The following ZNF326 variants were observed in gnomAD, a reference collection of about 807,000 sequenced individuals.
The protein encoded by ZNF326 is zinc finger protein 326.
Under a neutral mutation model 63.1 loss-of-function variants are expected in ZNF326, and 30 were observed. The observed-to-expected ratio is 0.48, with a 90% CI of 0.36 to 0.64. The LOEUF (loss-of-function observed/expected upper bound fraction) is 0.64, where lower values mean the gene tolerates loss of function less well. Ranked by LOEUF, ZNF326 falls within the 30% of genes least tolerant of loss-of-function variation. The pLI is 0.00. For synonymous variants in ZNF326, 194 were observed against 228.2 expected, an observed-to-expected ratio of 0.85 and a Z score of 1.35; for missense variants, 609 against 720.3, an observed-to-expected ratio of 0.85 and a Z score of 1.77.
chr1:90,010,347 C>T, intron 6 of ZNF326, 61 bp downstream of exon 6: 1 of 1,537,942 alleles, frequency 6.5e-7, no homozygotes, highest in South Asian at 1.2e-5. Context: ...AAATTCCATA[C>T]TTTTTGGTAA....
intron 7 of ZNF326, among the ~76,000 whole-genome samples, chr1:90,014,812 C>A (rs1464788376): frequency 6.6e-6 from 1 of 152,142 alleles, no homozygotes; most frequent in Non-Finnish European, 1.5e-5. Flanking sequence ...GTAGAAGTAA[C>A]AGGCATAGTT....
chr1:90,003,092 C>T (rs539080064), intron 2 of ZNF326, among the ~76,000 whole-genome samples: 6 of 150,404 alleles, frequency 4.0e-5, no homozygotes, highest in South Asian at 2.1e-4. Context: ...CAAATAATGT[C>T]GGTCGTTTTC....
chr1:90,013,995 T>C (rs1406708124), intron 7 of ZNF326, among the ~76,000 whole-genome samples: 2 of 149,958 alleles, frequency 1.3e-5, no homozygotes, highest in African/African-American at 4.9e-5. Flanking sequence ...AACCCGGGAG[T>C]CGGAGCTTGC....
intron 11 of ZNF326, among the ~76,000 whole-genome samples, chr1:90,026,490 C>G (rs1217285287): frequency 9.2e-5 from 14 of 152,136 alleles, no homozygotes; most frequent in Admixed American, 7.2e-4. Flanking sequence ...ATCTAGATAT[C>G]TGAAGTTATA....
At position 90,013,830 on chromosome 1, in the gene ZNF326, G is replaced by A. The variant is rs1265322408; in HGVS notation, c.926+593G>A. Reference sequence around the variant, plus strand: ...TGTAATCCCAGCACTTTGGGAGGCCGAGGCGGGCAGATCACGAGGTCAGGA... The same window carrying A: ...TGTAATCCCAGCACTTTGGGAGGCCAAGGCGGGCAGATCACGAGGTCAGGA... On this transcript the variant is annotated intron_variant, in intron 7 of 11. Coordinates refer to ENST00000340281, the MANE Select transcript of ZNF326 (RefSeq NM_182976.4). Among the ~76,000 whole-genome samples, 7 of 152,142 alleles carry A rather than the reference G, an allele frequency of 4.6e-5. No individual in the cohort carries two copies. In the East Asian group the frequency reaches 1.2e-3, roughly 25 times the overall value.
chr1:90,014,734 A>G (rs1649418434), intron 7 of ZNF326, among the ~76,000 whole-genome samples: 1 of 152,194 alleles, frequency 6.6e-6, no homozygotes, highest in Admixed American at 6.5e-5. Context: ...AGTTTCAAGA[A>G]CTACTGCTAT....
chr1:90,022,478 A>C, intron 11 of ZNF326, 133 bp downstream of exon 11: 1 of 668,844 alleles, frequency 1.5e-6, no homozygotes, highest in Non-Finnish European at 2.5e-6. Flanking sequence ...TATCTTGCAT[A>C]TAGGTAAAAC....
chr1:90,018,236 G>A (rs969739383), intron 8 of ZNF326, among the ~76,000 whole-genome samples: 4 of 150,806 alleles, frequency 2.7e-5, no homozygotes, highest in Non-Finnish European at 5.9e-5. Context: ...AGGTTGCAGT[G>A]AGCAGAGATC....
Position 90,033,754 on chromosome 1 carries a change from A to G in ZNF326, c.*6053A>G, listed in dbSNP as rs1335018673. On this transcript the variant is annotated 3_prime_UTR_variant, in exon 12 of 12. Coordinates refer to ENST00000340281, the MANE Select transcript of ZNF326 (RefSeq NM_182976.4). ...CTTAAAGACATAGAAAACCCAGAACACCATCTGTTTAAAAATTAAACTTCA... is the reference window on the plus strand; with the variant it reads ...CTTAAAGACATAGAAAACCCAGAACGCCATCTGTTTAAAAATTAAACTTCA... The G allele has an allele frequency of 6.6e-6, 1 of 152,138 alleles. No homozygotes were observed. The highest frequency in any genetic ancestry group is 2.4e-5 in the African/African-American group (1 of 41,434). The allele number at this position is 152,138 out of a possible 1,614,324, so 9.4% of individuals were successfully genotyped here. A position where few individuals can be genotyped will look rare whatever the true frequency, so the allele number is the denominator to read the frequency against.
In ZNF326 at chr1:90,031,978, C is replaced by G. The variant is rs1189875674; in HGVS notation, c.*4277C>G. The G allele has an allele frequency of 1.3e-5, 2 of 152,128 alleles. No homozygotes were observed. The highest frequency in any genetic ancestry group is 1.9e-4 in the East Asian group (1 of 5,204). The allele number at this position is 152,128 out of a possible 1,614,324, so 9.4% of individuals were successfully genotyped here. ...GTTCATTTTATAAATAAACAATTGACTTTTTTTGGTAGTTATGGTCCCTAC... is the reference window on the plus strand; with the variant it reads ...GTTCATTTTATAAATAAACAATTGAGTTTTTTTGGTAGTTATGGTCCCTAC... On this transcript the variant is annotated 3_prime_UTR_variant, in exon 12 of 12. Coordinates refer to ENST00000340281, the MANE Select transcript of ZNF326 (RefSeq NM_182976.4).
intron 7 of ZNF326, among the ~76,000 whole-genome samples, chr1:90,014,779 A>G (rs1359656902): frequency 6.6e-6 from 1 of 152,192 alleles, no homozygotes; most frequent in Non-Finnish European, 1.5e-5. Context: ...CCCATTCATT[A>G]TCTCTTGTGA....
At chr1:90,017,583 G>C in intron 8 of ZNF326, 119 bp downstream of exon 8, 1 of 911,168 alleles carries the variant, frequency 1.1e-6, no homozygotes, top group Non-Finnish European at 1.6e-6. Context: ...ACTATTTAAA[G>C]AAAGAGTTGT....
chr1:90,017,206 A>G, intron 7 of ZNF326, 111 bp from the exon 8 acceptor site: 4 of 785,442 alleles, frequency 5.1e-6, no homozygotes, highest in Non-Finnish European at 7.6e-6. Context: ...CATAAAGAGG[A>G]AGAAAGGAAA....
Position 89,998,146 on chromosome 1 carries a change from G to C in ZNF326, c.53G>C (p.Gly18Ala), listed in dbSNP as rs187261775. Reference protein sequence around the residue: ...THSACRNTYQGFNGMDRDYGP... With the variant: ...THSACRNTYQAFNGMDRDYGP... ...TCCGCCTGCAGGAATACTTATCAGGGCTTTAATGGTAAGTATCCTCTTTCA... is the reference window on the plus strand; with the variant it reads ...TCCGCCTGCAGGAATACTTATCAGGCCTTTAATGGTAAGTATCCTCTTTCA... Residue 18 changes from glycine (G) to alanine (A), a missense_variant, in exon 2 of 12, where the codon GGC (glycine) becomes GCC (alanine). Coordinates refer to ENST00000340281, the MANE Select transcript of ZNF326 (RefSeq NM_182976.4). 43 of 1,612,918 alleles carry C rather than the reference G, an allele frequency of 2.7e-5. 2 individuals are homozygous for C. In the East Asian group the frequency reaches 9.6e-4, roughly 36 times the overall value.
rs919331374 is a variant in ZNF326 at position 90,033,943 on chromosome 1, GGA to G, written c.*6243_*6244del. 7.1e-6 allele frequency: 1 copy of G among 140,384 alleles called. No homozygotes were observed. The highest frequency in any genetic ancestry group is 1.5e-5 in the Non-Finnish European group (1 of 66,924). The allele number at this position is 140,384 out of a possible 1,614,324, so 8.7% of individuals were successfully genotyped here. ...AAAGTGAAAAAAGAAGTGAAGAATAGGAAAAAAAAAAAAATCTTCTGATGAAA... is the reference window on the plus strand; with the variant it reads ...AAAGTGAAAAAAGAAGTGAAGAATAGAAAAAAAAAAAATCTTCTGATGAAA... On this transcript the variant is annotated 3_prime_UTR_variant, in exon 12 of 12. Coordinates refer to ENST00000340281, the MANE Select transcript of ZNF326 (RefSeq NM_182976.4).
At chr1:90,005,619 T>G (rs985697653) in intron 4 of ZNF326, 2 of 934,058 alleles carry the variant, frequency 2.1e-6, no homozygotes, top group Non-Finnish European at 1.3e-6. Context: ...AAAAAAAATC[T>G]TTTCTAATGT....
intron 9 of ZNF326, 95 bp from the exon 10 acceptor site, chr1:90,020,697 G>C (rs776465298): frequency 8.3e-7 from 1 of 1,200,124 alleles, no homozygotes; most frequent in Non-Finnish European, 1.2e-6. Flanking sequence ...TTTGGAAGAA[G>C]GGGTATAAAT....
In ZNF326 at chr1:90,031,126, T is replaced by G. The variant is rs1650254906; in HGVS notation, c.*3425T>G. The stretch of plus-strand genomic sequence containing the variant: ...GCCCTTTTGAATATAAACATAGGTT[T>G]GGGGGATTCTTCATAATACTTTCTG... On this transcript the variant is annotated 3_prime_UTR_variant, in exon 12 of 12. Coordinates refer to ENST00000340281, the MANE Select transcript of ZNF326 (RefSeq NM_182976.4). 6.6e-6 allele frequency: 1 copy of G among 152,208 alleles called. No individual in the cohort carries two copies. Among genetic ancestry groups the G allele is most frequent in the African/African-American group, 2.4e-5 (1 of 41,448 alleles). The allele number at this position is 152,208 out of a possible 1,614,324, so 9.4% of individuals were successfully genotyped here. A position where few individuals can be genotyped will look rare whatever the true frequency, so the allele number is the denominator to read the frequency against.
intron 2 of ZNF326, among the ~76,000 whole-genome samples, chr1:90,002,185 T>C (rs1648717984): frequency 6.6e-6 from 1 of 152,186 alleles, no homozygotes; most frequent in African/African-American, 2.4e-5. Context: ...ATAAAGACTT[T>C]TCCTCCTGTT....
Sources: gnomAD v4.1 joint callset for allele counts (sites outside exome capture counted in the v4.1 genomes callset) on GRCh38, gnomAD v4.1.1 for gene constraint, MANE v1.5 for transcripts, NCBI Gene and HGNC (gene_info 2026-07-23, HGNC 2026-07-21) for gene names.